The following ATP13A4 variants were observed in gnomAD, a reference collection of about 807,000 sequenced individuals.
ATP13A4 encodes the protein probable cation-transporting ATPase 13A4.
Under a neutral mutation model 142.5 loss-of-function variants are expected in ATP13A4, and 114 were observed. The ratio of observed to expected loss-of-function variants is 0.80; its 90% CI spans 0.69 to 0.93. ATP13A4 has a LOEUF of 0.93. Ranked by LOEUF, ATP13A4 falls within the 40% of genes least tolerant of loss-of-function variation. ATP13A4 has a pLI of 0.00. For missense variants in ATP13A4, 1,392 were observed against 1,454.0 expected, an observed-to-expected ratio of 0.96 and a Z score of 0.69; for synonymous variants, 488 against 514.8, an observed-to-expected ratio of 0.95 and a Z score of 0.70.
intron 24 of ATP13A4, among the ~76,000 whole-genome samples, chr3:193,435,103 G>A (rs182979836): frequency 6.6e-6 from 1 of 152,062 alleles, no homozygotes; most frequent in African/African-American, 2.4e-5. Flanking sequence ...GGTTATTTAC[G>A]ACTCTTGTAT....
chr3:193,507,612 C>A (rs987457033), intron 2 of ATP13A4, among the ~76,000 whole-genome samples: 3 of 152,154 alleles, frequency 2.0e-5, no homozygotes, highest in Non-Finnish European at 4.4e-5. Flanking sequence ...ACAAGGAAAT[C>A]TAGCAAACTC....
chr3:193,537,629 G>A (rs1722655617), intron 1 of ATP13A4, among the ~76,000 whole-genome samples: 1 of 152,162 alleles, frequency 6.6e-6, no homozygotes, highest in Non-Finnish European at 1.5e-5. Context: ...CTTTGTGAAA[G>A]AGCCTGCTGA....
chr3:193,497,119 C>T (rs1048638098), intron 3 of ATP13A4, among the ~76,000 whole-genome samples: 1 of 152,032 alleles, frequency 6.6e-6, no homozygotes, highest in Non-Finnish European at 1.5e-5. Flanking sequence ...AATAACTAAC[C>T]AAGTGAAAAG....
rs146990016 is a variant in ATP13A4 at position 193,435,726 on chromosome 3, G to A, written c.2691C>T (p.Leu897=). Residue 897 remains leucine (L), a synonymous_variant, in exon 24 of 30, where the codon CTC becomes CTT. Transcript: ENST00000342695. ...ACTTAAACATGCAAAAGGAGGTAAC[G>A]AGAGCTGCACGTCCTTCCCTGTGTA... The part of the protein sequence containing the change: ...PHLIKEGRAA[L]VTSFCMFKYM... 52 of 1,613,628 alleles carry A rather than the reference G, an allele frequency of 3.2e-5. 1 individual carries two copies. Among genetic ancestry groups the A allele is most frequent in the Middle Eastern group, 1.6e-4 (1 of 6,084 alleles).
At chr3:193,413,633 G>A (rs973165108) in intron 26 of ATP13A4, among the ~76,000 whole-genome samples, 2 of 152,182 alleles carry the variant, frequency 1.3e-5, no homozygotes, top group African/African-American at 2.4e-5. Context: ...CGCTCTGGGA[G>A]TGTCTGTCTT....
intron 17 of ATP13A4, among the ~76,000 whole-genome samples, chr3:193,449,996 G>A (rs1446056078): frequency 3.3e-5 from 5 of 151,974 alleles, no homozygotes; most frequent in African/African-American, 4.8e-5. Flanking sequence ...CCAGGCGCCT[G>A]TAATCCCAGC....
intron 8 of ATP13A4, among the ~76,000 whole-genome samples, chr3:193,483,275 C>T (rs566583933): frequency 3.3e-5 from 5 of 151,722 alleles, no homozygotes; most frequent in East Asian, 3.9e-4. Flanking sequence ...TGGGAGGAAG[C>T]GGGAGAGAAA....
chr3:193,581,977 T>G (rs1724555920), intron 1 of ATP13A4: 2 of 151,930 alleles, frequency 1.3e-5, no homozygotes, highest in Admixed American at 1.3e-4. Context: ...AAGGCTTCAG[T>G]GTGAATGCTG....
chr3:193,483,806 T>C (rs560197921), intron 8 of ATP13A4, 130 bp downstream of exon 8: 1 of 863,086 alleles, frequency 1.2e-6, no homozygotes, highest in Admixed American at 2.1e-5. Context: ...AAGTTCCTCA[T>C]CCCTTTGAAC....
chr3:193,475,255 A>G (rs923047309), intron 8 of ATP13A4, among the ~76,000 whole-genome samples: 15 of 152,092 alleles, frequency 9.9e-5, no homozygotes, highest in African/African-American at 2.4e-4. Context: ...TGTTTTTTCA[A>G]TAGAGGATTG....
At chr3:193,557,028 G>A (rs1015607029), upstream of ATP13A4, among the ~76,000 whole-genome samples, 3 of 152,060 alleles carry the variant, frequency 2.0e-5, no homozygotes, top group East Asian at 5.8e-4. Flanking sequence ...CTTTTGGCTG[G>A]GTTCCTGAAT....
At chr3:193,456,501 G>A (rs887173632) in intron 16 of ATP13A4, among the ~76,000 whole-genome samples, 1 of 152,178 alleles carries the variant, frequency 6.6e-6, no homozygotes, top group Admixed American at 6.5e-5. Context: ...TTCACTGGGA[G>A]TTCAAACCTG....
intron 1 of ATP13A4, among the ~76,000 whole-genome samples, chr3:193,583,639 G>T (rs1380624917): frequency 1.5e-5 from 2 of 135,836 alleles, no homozygotes; most frequent in African/African-American, 5.9e-5. Flanking sequence ...TTGTATCTTT[G>T]AATTTATTAC....
intron 24 of ATP13A4, 88 bp downstream of exon 24, chr3:193,435,560 C>T (rs537067384): frequency 4.8e-6 from 5 of 1,046,344 alleles, no homozygotes; most frequent in Non-Finnish European, 7.5e-6. Flanking sequence ...CCTATTTGTA[C>T]TCTTTCTTTG....
chr3:193,438,952 G>T, intron 22 of ATP13A4, 71 bp downstream of exon 22: 1 of 1,445,072 alleles, frequency 6.9e-7, no homozygotes, highest in Non-Finnish European at 9.7e-7. Flanking sequence ...TACACACACT[G>T]GCAGCTACTC....
intron 1 of ATP13A4, among the ~76,000 whole-genome samples, chr3:193,530,762 C>T (rs1379801258): frequency 6.6e-6 from 1 of 152,166 alleles, no homozygotes; most frequent in Non-Finnish European, 1.5e-5. Flanking sequence ...GTTGTGATTT[C>T]ATTGCTAATG....
intron 2 of ATP13A4, among the ~76,000 whole-genome samples, chr3:193,573,421 G>T (rs111358763): frequency 0.027 from 4,010 of 149,680 alleles, 191 homozygotes; most frequent in African/African-American, 0.095. Flanking sequence ...TCACCATCTG[G>T]TGACAAATGA....
rs1188422424 is a variant in ATP13A4 at position 193,399,037 on chromosome 3, T to G, written c.*3615A>C. Among the ~76,000 whole-genome samples, 1 of 152,188 alleles carries G rather than the reference T, an allele frequency of 6.6e-6. No individual in the cohort carries two copies. The highest frequency in any genetic ancestry group is 1.5e-5 in the Non-Finnish European group (1 of 68,042). ...AAGCTCTGAATAAATAATCGTTTTT[T>G]TCAGTCATCACATCTGCAGGTGTGT... On this transcript the variant is annotated 3_prime_UTR_variant, in exon 30 of 30. Transcript: ENST00000342695.
At chr3:193,421,530 G>T (rs1236411956) in intron 25 of ATP13A4, among the ~76,000 whole-genome samples, 2 of 149,880 alleles carry the variant, frequency 1.3e-5, no homozygotes, top group Non-Finnish European at 3.0e-5. Context: ...TACTGTTATG[G>T]TGCTCTATAA....
Sources: allele counts gnomAD v4.1 joint callset (sites outside exome capture counted in the v4.1 genomes callset), GRCh38; gene constraint gnomAD v4.1.1; transcripts MANE v1.5; gene names NCBI Gene and HGNC (gene_info 2026-07-23, HGNC 2026-07-21).